Variants in KLHL22 observed in about 807,000 individuals in gnomAD.
The protein encoded by KLHL22 is kelch like family member 22.
In KLHL22, 18 loss-of-function variants were observed where a neutral mutation model predicts 60.7. That is an observed-to-expected ratio of 0.30 (90% confidence interval 0.20 to 0.44). The LOEUF is 0.44. Ranked by LOEUF, KLHL22 falls within the 20% of genes least tolerant of loss-of-function variation. KLHL22 has a pLI of 1.00. For missense variants in KLHL22, 596 were observed against 852.3 expected (o/e 0.70, Z 3.74); for synonymous variants, 355 against 354.5 (o/e 1.00, Z -0.01).
intron 6 of KLHL22, among the ~76,000 whole-genome samples, chr22:20,444,123 C>T (rs1269049084): frequency 6.6e-6 from 1 of 151,712 alleles, no homozygotes; most frequent in Non-Finnish European, 1.5e-5. Context: ...AGGACTCAAC[C>T]TGCCATTGCT....
chr22:20,482,747 A>ATT lies in KLHL22; in HGVS notation c.227+6236_227+6237dup, dbSNP rs361967. On this transcript the variant is annotated intron_variant, in intron 2 of 6. Coordinates refer to ENST00000328879, the MANE Select transcript of KLHL22 (RefSeq NM_032775.4). The stretch of plus-strand genomic sequence containing the variant: ...ACCACAACACCTGGCTAATTTTTGT[A>ATT]TTTTTTTTTGACCTCTGAACTTTTT... The ATT allele has an allele frequency of 6.3e-3, 3,046 of 485,956 alleles. 3 individuals are homozygous for ATT. Among genetic ancestry groups the ATT allele is most frequent in the Middle Eastern group, 0.013 (20 of 1,522 alleles). The allele number at this position is 485,956 out of a possible 1,614,324, so 30.1% of individuals were successfully genotyped here.
chr22:20,446,068 T>G (rs78186591), intron 6 of KLHL22, among the ~76,000 whole-genome samples: 9,890 of 152,284 alleles, frequency 0.065, 827 homozygotes, highest in East Asian at 0.46. Flanking sequence ...GCCTAAAAGT[T>G]TTTAAGAGTA....
intron 2 of KLHL22, among the ~76,000 whole-genome samples, chr22:20,476,313 G>A (rs2053411203): frequency 6.6e-6 from 1 of 151,996 alleles, no homozygotes; most frequent in Admixed American, 6.6e-5. Flanking sequence ...TCTTCTGCTG[G>A]CACCTCTGGG....
chr22:20,473,836 T>C (rs1283128770), intron 2 of KLHL22, among the ~76,000 whole-genome samples: 2 of 151,706 alleles, frequency 1.3e-5, no homozygotes, highest in Non-Finnish European at 1.5e-5. Flanking sequence ...GATCGTGCCA[T>C]TGCACTCCAG....
chr22:20,462,381 G>T (rs901902231), intron 4 of KLHL22, among the ~76,000 whole-genome samples: 4 of 151,932 alleles, frequency 2.6e-5, no homozygotes, highest in Non-Finnish European at 5.9e-5. Flanking sequence ...TAGAGACAGG[G>T]TCTCACTCTG....
intron 2 of KLHL22, among the ~76,000 whole-genome samples, chr22:20,486,517 C>A (rs2053589281): frequency 6.6e-6 from 1 of 152,186 alleles, no homozygotes; most frequent in Non-Finnish European, 1.5e-5. Flanking sequence ...CAGCCCACCC[C>A]TAAATGCCCT....
In KLHL22 at chr22:20,483,417, G is replaced by T. The variant is rs549026143; in HGVS notation, c.227+5568C>A. 3 of 835,214 alleles carry T rather than the reference G, an allele frequency of 3.6e-6. No individual in the cohort carries two copies. The East Asian group carries it at 7.4e-5, about 21-fold the overall frequency. 51.7% of individuals were successfully genotyped at this position (835,214 alleles called of 1,614,324 possible). On this transcript the variant is annotated intron_variant, in intron 2 of 6. Coordinates refer to ENST00000328879, the MANE Select transcript of KLHL22 (RefSeq NM_032775.4). ...CATCTACCTCCACAGTCAACCCAGA[G>T]CTGGCAATCTGGTCTTGTAGGCCTT...
chr22:20,483,671 C>T lies in KLHL22; in HGVS notation c.227+5314G>A, dbSNP rs958108802. The T allele has an allele frequency of 2.3e-5, 17 of 731,750 alleles. No homozygotes were observed. The African/African-American group carries it at 2.6e-4, about 11-fold the overall frequency. The allele number at this position is 731,750 out of a possible 1,614,324, so 45.3% of individuals were successfully genotyped here. A position where few individuals can be genotyped will look rare whatever the true frequency, so the allele number is the denominator to read the frequency against. On this transcript the variant is annotated intron_variant, in intron 2 of 6. Coordinates refer to ENST00000328879, the MANE Select transcript of KLHL22 (RefSeq NM_032775.4). The stretch of plus-strand genomic sequence containing the variant: ...ATCTACAGAAAGATACGGGCGTTGT[C>T]CACAGTATTTGCAAAGATCTGAGCC...
At chr22:20,459,112 T>A (rs1433073699) in intron 4 of KLHL22, among the ~76,000 whole-genome samples, 1 of 152,216 alleles carries the variant, frequency 6.6e-6, no homozygotes, top group African/African-American at 2.4e-5. Flanking sequence ...AGCCAGTATC[T>A]GAAGTGTCCT....
At chr22:20,451,026 CCCCAAGA>C in intron 5 of KLHL22, 1 of 1,515,344 alleles carries the variant, frequency 6.6e-7, no homozygotes, top group Non-Finnish European at 9.2e-7. Context: ...AGAAATATGA[CCCCAAGA>C]CTCAGGAGTG....
At chr22:20,460,385 G>C (rs1413955533) in intron 4 of KLHL22, among the ~76,000 whole-genome samples, 2 of 151,978 alleles carry the variant, frequency 1.3e-5, no homozygotes, top group Non-Finnish European at 2.9e-5. Flanking sequence ...GAGGCGGGTG[G>C]ATCACGAGGT....
chr22:20,445,152 A>C (rs187632165), intron 6 of KLHL22, among the ~76,000 whole-genome samples: 1 of 151,298 alleles, frequency 6.6e-6, no homozygotes. Context: ...AAATGGTCAT[A>C]CTGAAAAACA....
rs113350513 is a variant in KLHL22 at position 20,443,376 on chromosome 22, G to A, written c.1540-938C>T. 9.5e-3 allele frequency among the ~76,000 whole-genome samples: 1,451 copies of A among 152,072 alleles called. 12 individuals carry two copies. Among genetic ancestry groups the A allele is most frequent in the Non-Finnish European group, 0.017 (1,122 of 67,962 alleles). On this transcript the variant is annotated intron_variant, in intron 6 of 6. Coordinates refer to ENST00000328879, the MANE Select transcript of KLHL22 (RefSeq NM_032775.4). ...TACAAAAAAAAAAAGGATTAAGGGTGCAGACCCTGAGATGGGGCAGTTTTC... is the reference window on the plus strand; with the variant it reads ...TACAAAAAAAAAAAGGATTAAGGGTACAGACCCTGAGATGGGGCAGTTTTC...
chr22:20,494,084 C>CCCA (rs397808627), intron 1 of KLHL22, among the ~76,000 whole-genome samples: 33 of 91,186 alleles, frequency 3.6e-4, no homozygotes, highest in Non-Finnish European at 5.7e-4. Context: ...GCCCCCCCCC[C>CCCA]AAAAAAAAAA....
At chr22:20,450,242 G>C (rs953681850) in intron 5 of KLHL22, 2 of 874,954 alleles carry the variant, frequency 2.3e-6, no homozygotes, top group Admixed American at 3.4e-5. Context: ...GAGTAGAGCA[G>C]AAAGACTTTC....
chr22:20,479,983 A>G (rs5999159), intron 2 of KLHL22, among the ~76,000 whole-genome samples: 1,920 of 152,328 alleles, frequency 0.013, 48 homozygotes, highest in African/African-American at 0.043. Flanking sequence ...GACAAACAAA[A>G]TGTGGTATAT....
At chr22:20,459,514 T>C (rs1419799914) in intron 4 of KLHL22, among the ~76,000 whole-genome samples, 1 of 152,174 alleles carries the variant, frequency 6.6e-6, no homozygotes, top group Non-Finnish European at 1.5e-5. Flanking sequence ...ACCTGTCCAA[T>C]GAGGTGATAT....
chr22:20,470,786 A>AGACG (rs2053309046), intron 3 of KLHL22, among the ~76,000 whole-genome samples: 1 of 137,648 alleles, frequency 7.3e-6, no homozygotes, highest in South Asian at 2.5e-4. Context: ...ATGGATGGAT[A>AGACG]GATGGATGGA....
At chr22:20,488,946 CTT>C (rs761805585) in intron 2 of KLHL22, 37 bp downstream of exon 2, 7 of 1,592,464 alleles carry the variant, frequency 4.4e-6, no homozygotes, top group Middle Eastern at 1.7e-4. Flanking sequence ...CCAGGATTAC[CTT>C]TGTTATTCTT....
Sources: allele counts gnomAD v4.1 joint callset (sites outside exome capture counted in the v4.1 genomes callset), GRCh38; gene constraint gnomAD v4.1.1; transcripts MANE v1.5; gene names NCBI Gene and HGNC (gene_info 2026-07-23, HGNC 2026-07-21).